AOPEP: variants seen among roughly 807,000 people sequenced by gnomAD.
AOPEP encodes aminopeptidase O.
In AOPEP, 77 loss-of-function variants were observed where a neutral mutation model predicts 98.1. The ratio of observed to expected loss-of-function variants is 0.78; its 90% CI spans 0.65 to 0.95. The LOEUF (loss-of-function observed/expected upper bound fraction) is 0.95. AOPEP is among the 40% of genes least tolerant of loss of function. AOPEP has a pLI of 0.00. For synonymous variants in AOPEP, 346 were observed against 365.3 expected (o/e 0.95, Z 0.60); for missense variants, 1,024 against 1,024.7 (o/e 1.00, Z 0.01).
At chr9:94,849,081 G>A (rs2043210469) in intron 5 of AOPEP, among the ~76,000 whole-genome samples, 3 of 152,338 alleles carry the variant, frequency 2.0e-5, no homozygotes. Flanking sequence ...ACCCGGCCAA[G>A]TCTAAATATT....
chr9:95,126,633 G>GAA, the AOPEP span: 1 of 1,577,638 alleles, frequency 6.3e-7, no homozygotes, highest in Non-Finnish European at 8.7e-7. Context: ...CACTTTCTCA[G>GAA]AAACTTGCTA....
intron 5 of AOPEP, among the ~76,000 whole-genome samples, chr9:94,849,804 G>A (rs7871979): frequency 0.83 from 126,211 of 152,052 alleles, 54,635 homozygotes; most frequent in Non-Finnish European, 0.94. Flanking sequence ...GGAGGCTGAG[G>A]TGGGTGGATC....
At chr9:95,106,933 C>T in the AOPEP span, 3 of 878,220 alleles carry the variant, frequency 3.4e-6, no homozygotes, top group Non-Finnish European at 5.5e-6. Flanking sequence ...CTGTCAACCT[C>T]CTTGACCATT....
the AOPEP span, among the ~76,000 whole-genome samples, chr9:95,108,505 C>A: frequency 6.6e-6 from 1 of 152,228 alleles, no homozygotes; most frequent in Non-Finnish European, 1.5e-5. Flanking sequence ...GTCTATCTTC[C>A]TTTATGTCTG....
At chr9:94,735,274 G>A (rs1831473154) in intron 1 of AOPEP, among the ~76,000 whole-genome samples, 2 of 152,328 alleles carry the variant, frequency 1.3e-5, no homozygotes, top group African/African-American at 4.8e-5. Flanking sequence ...AGGCTGGAGT[G>A]CAGTGGTGCG....
chr9:94,931,893 C>T, intron 7 of AOPEP: 1 of 1,231,234 alleles, frequency 8.1e-7, no homozygotes. Context: ...CCTTCCTCAC[C>T]TCTCTTGCTG....
the AOPEP span, among the ~76,000 whole-genome samples, chr9:95,131,328 GA>G: frequency 6.6e-6 from 1 of 152,346 alleles, no homozygotes; most frequent in East Asian, 1.9e-4. Context: ...CAAGCTGGAA[GA>G]AAGCTCCTCA....
At chr9:94,805,235 A>T (rs974390054) in intron 5 of AOPEP, among the ~76,000 whole-genome samples, 11 of 151,346 alleles carry the variant, frequency 7.3e-5, no homozygotes, top group Non-Finnish European at 5.9e-5. Context: ...TGAGAACCTG[A>T]TTGGCTTAGC....
intron 2 of AOPEP, among the ~76,000 whole-genome samples, chr9:94,768,649 G>A (rs999804543): frequency 1.3e-5 from 2 of 152,220 alleles, no homozygotes; most frequent in African/African-American, 4.8e-5. Flanking sequence ...GCAGCAAGCC[G>A]TGGACCTGTG....
chr9:94,763,399 A>C (rs1214999643), intron 2 of AOPEP: 1 of 200,302 alleles, frequency 5.0e-6, no homozygotes, highest in African/African-American at 2.4e-5. Context: ...TGAGAATAAA[A>C]CTTGTATCAA....
At chr9:94,886,077 G>T (rs746001132) in intron 5 of AOPEP, among the ~76,000 whole-genome samples, 1 of 152,252 alleles carries the variant, frequency 6.6e-6, no homozygotes, top group East Asian at 1.9e-4. Context: ...TACAAAAAAG[G>T]TGTTGGTAAA....
At chr9:94,982,330 A>C (rs1008719185) in intron 11 of AOPEP, among the ~76,000 whole-genome samples, 4 of 152,134 alleles carry the variant, frequency 2.6e-5, no homozygotes, top group African/African-American at 9.7e-5. Flanking sequence ...AAATTCAAAC[A>C]ATAGCAAAAT....
At chr9:94,825,856 C>T (rs1482195105) in intron 5 of AOPEP, among the ~76,000 whole-genome samples, 2 of 152,138 alleles carry the variant, frequency 1.3e-5, no homozygotes, top group Non-Finnish European at 2.9e-5. Flanking sequence ...TAGCTACAGA[C>T]CTGGCATATT....
the AOPEP span, chr9:95,123,443 C>G: frequency 2.2e-6 from 1 of 459,382 alleles, no homozygotes; most frequent in Admixed American, 2.4e-5. Flanking sequence ...AGGTTGAGAC[C>G]AGCCCGGGCA....
intron 5 of AOPEP, among the ~76,000 whole-genome samples, chr9:94,910,916 C>T (rs879022091): frequency 6.6e-6 from 1 of 152,104 alleles, no homozygotes; most frequent in Non-Finnish European, 1.5e-5. Flanking sequence ...TGGGCCTCCT[C>T]GTGATGTTAT....
chr9:94,843,335 C>CT (rs2042495601), intron 5 of AOPEP, among the ~76,000 whole-genome samples: 1 of 152,212 alleles, frequency 6.6e-6, no homozygotes, highest in African/African-American at 2.4e-5. Flanking sequence ...GAATGTCATG[C>CT]TTTGTGGCCT....
chr9:94,852,255 T>C (rs1404256243), intron 5 of AOPEP, among the ~76,000 whole-genome samples: 1 of 152,230 alleles, frequency 6.6e-6, no homozygotes, highest in Non-Finnish European at 1.5e-5. Context: ...GGGTAGCTTC[T>C]AGGCAGCAGT....
the AOPEP span, among the ~76,000 whole-genome samples, chr9:95,092,644 G>A: frequency 7.2e-5 from 11 of 152,314 alleles, no homozygotes; most frequent in Non-Finnish European, 2.9e-5. Flanking sequence ...ACTTTAAAGC[G>A]CAGCCGAGGA....
chr9:95,079,299 G>A (rs1215998543), intron 14 of AOPEP, among the ~76,000 whole-genome samples: 4 of 152,240 alleles, frequency 2.6e-5, no homozygotes, highest in Non-Finnish European at 5.9e-5. Context: ...AGTGGATAAT[G>A]ATGTCATTTA....
Sources: gnomAD v4.1 joint callset for allele counts (sites outside exome capture counted in the v4.1 genomes callset) on GRCh38, gnomAD v4.1.1 for gene constraint, MANE v1.5 for transcripts, NCBI Gene and HGNC (gene_info 2026-07-23, HGNC 2026-07-21) for gene names.